Variants in IGF2BP3 observed in about 807,000 individuals in gnomAD.
IGF2BP3 encodes insulin-like growth factor 2 mRNA-binding protein 3.
IGF2BP3 carries 9 observed loss-of-function variants against 73.8 expected under a neutral mutation model. That is an observed-to-expected ratio of 0.12 (90% CI 0.07 to 0.21). IGF2BP3 has a LOEUF of 0.21. IGF2BP3 is among the 10% of genes least tolerant of loss of function. The pLI is 1.00. For missense variants in IGF2BP3, 542 were observed against 714.0 expected, an observed-to-expected ratio of 0.76 and a Z score of 2.75; for synonymous variants, 258 against 256.7, an observed-to-expected ratio of 1.01 and a Z score of -0.05.
intron 5 of IGF2BP3, among the ~76,000 whole-genome samples, chr7:23,356,193 T>C (rs1785092146): frequency 6.6e-6 from 1 of 152,168 alleles, no homozygotes; most frequent in South Asian, 2.1e-4. Flanking sequence ...CCAAAGGTCA[T>C]TTTCCTTTTT....
intron 2 of IGF2BP3, among the ~76,000 whole-genome samples, chr7:23,437,444 T>C (rs141564399): frequency 0.01 from 1,578 of 151,762 alleles, 8 homozygotes; most frequent in African/African-American, 0.022. Flanking sequence ...GATGGCACCA[T>C]TGCATTCCAG....
chr7:23,350,334 T>C (rs547488816), intron 6 of IGF2BP3, among the ~76,000 whole-genome samples: 55 of 152,356 alleles, frequency 3.6e-4, no homozygotes, highest in African/African-American at 1.3e-3. Context: ...AAAATAATCT[T>C]GCCACTTCTG....
intron 3 of IGF2BP3, among the ~76,000 whole-genome samples, chr7:23,410,726 A>T (rs949905140): frequency 6.6e-6 from 1 of 152,202 alleles, no homozygotes. Context: ...CCTGGGGAGG[A>T]TCCAGTTTCT....
chr7:23,330,763 C>T (rs1220594231), intron 10 of IGF2BP3, among the ~76,000 whole-genome samples: 1 of 151,980 alleles, frequency 6.6e-6, no homozygotes, highest in African/African-American at 2.4e-5. Context: ...CTAATATATA[C>T]TAGACATACG....
At chr7:23,369,033 T>C (rs1485691436) in intron 3 of IGF2BP3, among the ~76,000 whole-genome samples, 1 of 152,216 alleles carries the variant, frequency 6.6e-6, no homozygotes, top group Non-Finnish European at 1.5e-5. Context: ...TGGCCTAGTT[T>C]TGCCTTTTAA....
intron 8 of IGF2BP3, among the ~76,000 whole-genome samples, chr7:23,344,300 A>G (rs1287341338): frequency 1.3e-5 from 2 of 152,212 alleles, no homozygotes; most frequent in African/African-American, 4.8e-5. Flanking sequence ...TTCTCGTGCA[A>G]TTGCATTTTC....
chr7:23,345,313 C>A (rs931722361), intron 8 of IGF2BP3, among the ~76,000 whole-genome samples: 2 of 152,220 alleles, frequency 1.3e-5, no homozygotes, highest in Non-Finnish European at 2.9e-5. Context: ...CCCACACATA[C>A]ATACCAAATA....
intron 3 of IGF2BP3, among the ~76,000 whole-genome samples, chr7:23,410,140 G>A (rs911599194): frequency 6.6e-6 from 1 of 152,110 alleles, no homozygotes; most frequent in African/African-American, 2.4e-5. Flanking sequence ...TTGCACTCCA[G>A]CCTGGGTGAC....
chr7:23,315,233 A>G (rs1783953214), intron 12 of IGF2BP3, among the ~76,000 whole-genome samples: 1 of 150,870 alleles, frequency 6.6e-6, no homozygotes, highest in Non-Finnish European at 1.5e-5. Flanking sequence ...TCAGCCTCCT[A>G]AGTAGCTGGG....
chr7:23,319,275 G>A, intron 10 of IGF2BP3, 21 bp from the exon 11 acceptor site: 1 of 1,490,832 alleles, frequency 6.7e-7, no homozygotes, highest in Non-Finnish European at 9.3e-7. Flanking sequence ...AGAAAGCCAG[G>A]ACACCCATGT....
chr7:23,386,375 T>C (rs971765656), intron 3 of IGF2BP3, among the ~76,000 whole-genome samples: 4 of 152,090 alleles, frequency 2.6e-5, no homozygotes, highest in South Asian at 2.1e-4. Flanking sequence ...TCCTGAAATA[T>C]CTTGTAGTGC....
intron 2 of IGF2BP3, among the ~76,000 whole-genome samples, chr7:23,433,354 G>C (rs1584039736): frequency 6.6e-6 from 1 of 152,084 alleles, no homozygotes; most frequent in Non-Finnish European, 1.5e-5. Flanking sequence ...AATGTGGCTA[G>C]TCTGAATTGA....
chr7:23,455,653 C>A (rs1185258600), intron 2 of IGF2BP3, among the ~76,000 whole-genome samples: 1 of 152,066 alleles, frequency 6.6e-6, no homozygotes, highest in Non-Finnish European at 1.5e-5. Flanking sequence ...AAAGTGAAAG[C>A]CACTGTACTC....
At chr7:23,460,020 G>A (rs962204518) in intron 2 of IGF2BP3, among the ~76,000 whole-genome samples, 6 of 150,596 alleles carry the variant, frequency 4.0e-5, no homozygotes, top group African/African-American at 1.5e-4. Flanking sequence ...CTTGAGCCAA[G>A]GAGTTCAAGA....
chr7:23,342,021 G>A, intron 10 of IGF2BP3, 43 bp downstream of exon 10: 1 of 1,508,906 alleles, frequency 6.6e-7, no homozygotes. Flanking sequence ...TTTACATTAA[G>A]ATTTTGCCCA....
At position 23,469,958 on chromosome 7, in the gene IGF2BP3, G is replaced by A. The variant is rs371773798; in HGVS notation, c.153C>T (p.Leu51=). The stretch of plus-strand genomic sequence containing the variant: ...CACCTGAAAGCGCCTCGATGGCCTT[G>A]AGGGCCCAGCTCTCGTCCGGGCAGT... ...FVDCPDESWA[L]KAIEALSGKI... The change falls in exon 1 of 15, where the codon CTC becomes CTT. Residue 51 remains leucine (L), a synonymous_variant. Coordinates refer to ENST00000258729, the MANE Select transcript of IGF2BP3 (RefSeq NM_006547.3). This position sits in a 1 kb window ranked among gnomAD's most constrained non-coding sequence, Gnocchi z 6.1. 5 of 1,611,314 alleles carry A rather than the reference G, an allele frequency of 3.1e-6. No homozygotes were observed. Among genetic ancestry groups the A allele is most frequent in the Non-Finnish European group, 4.2e-6 (5 of 1,179,318 alleles).
At chr7:23,422,235 G>A (rs981450209) in intron 2 of IGF2BP3, among the ~76,000 whole-genome samples, 1 of 152,218 alleles carries the variant, frequency 6.6e-6, no homozygotes, top group Middle Eastern at 3.4e-3. Context: ...AGAGAGTTCA[G>A]GTTAATTAGC....
chr7:23,324,173 GCAAGACTAAT>G (rs1784230705), intron 10 of IGF2BP3, among the ~76,000 whole-genome samples: 1 of 151,890 alleles, frequency 6.6e-6, no homozygotes. Context: ...TAGACTGCTA[GCAAGACTAAT>G]CAAGAAAAAA....
At chr7:23,413,734 T>C (rs940644895) in intron 3 of IGF2BP3, 10 of 152,188 alleles carry the variant, frequency 6.6e-5, no homozygotes, top group African/African-American at 2.4e-4. Flanking sequence ...GGAGGAATCC[T>C]TCCAGTCTGG....
Sources: gnomAD v4.1 joint callset for allele counts (sites outside exome capture counted in the v4.1 genomes callset) on GRCh38, gnomAD v4.1.1 for gene constraint, Gnocchi (gnomAD v3.1) non-coding constraint, MANE v1.5 for transcripts, NCBI Gene and HGNC (gene_info 2026-07-23, HGNC 2026-07-21) for gene names.